The following PLCE1 variants were observed in gnomAD, a reference collection of about 807,000 sequenced individuals.
PLCE1 encodes the protein phospholipase C epsilon 1.
In PLCE1, 119 loss-of-function variants were observed where a neutral mutation model predicts 242.8. The ratio of observed to expected loss-of-function variants is 0.49; its 90% CI spans 0.42 to 0.57. The LOEUF (loss-of-function observed/expected upper bound fraction) is 0.57. Among genes scored for constraint, PLCE1 ranks in the 20% least tolerant of loss-of-function variants. The pLI is 0.00. For synonymous variants in PLCE1, 945 were observed against 1,017.4 expected (o/e 0.93, Z 1.35); for missense variants, 2,441 against 2,788.8 (o/e 0.88, Z 2.81).
intron 1 of PLCE1, among the ~76,000 whole-genome samples, chr10:94,002,288 C>A (rs541075384): frequency 2.0e-5 from 3 of 152,218 alleles, no homozygotes; most frequent in Non-Finnish European, 2.9e-5. Context: ...CTTGGATAGG[C>A]TTTTGACTGC....
At position 94,031,181 on chromosome 10, in the gene PLCE1, A is replaced by G; in HGVS notation, c.135A>G (p.Arg45=). 6.2e-7 allele frequency: 1 copy of G among 1,613,874 alleles called. No individual in the cohort carries two copies. Residue 45 remains arginine (R), a synonymous_variant, in exon 2 of 33, where the codon AGA becomes AGG. Transcript: ENST00000371380. ...ATATTTCAAAAGCACATACTGTCAG[A>G]CGAAGTGGGGAGACTTCTCATACCA... ...DINISKAHTV[R]RSGETSHTIS...
intron 2 of PLCE1, among the ~76,000 whole-genome samples, chr10:94,042,785 T>C (rs1274125031): frequency 3.3e-5 from 5 of 152,172 alleles, no homozygotes; most frequent in Admixed American, 1.3e-4. Context: ...ATTGCTATAA[T>C]TTAGAAGTAC....
rs1320779735 is a variant in PLCE1 at position 94,329,657 on chromosome 10, A to G, written c.*1714A>G. ...GCTGAGCGTGGTGGCACGTGCCTGT[A>G]ATCCCAGCTACTCGGGAGGCTGAGG... On this transcript the variant is annotated 3_prime_UTR_variant, in exon 33 of 33. Coordinates refer to ENST00000371380, the MANE Select transcript of PLCE1 (RefSeq NM_016341.4). The G allele has an allele frequency of 6.6e-6, 1 of 152,202 alleles. No homozygotes were observed. Among genetic ancestry groups the G allele is most frequent in the Non-Finnish European group, 1.5e-5 (1 of 68,152 alleles). 9.4% of individuals were successfully genotyped at this position (152,202 alleles called of 1,614,324 possible). A position where few individuals can be genotyped will look rare whatever the true frequency, so the allele number is the denominator to read the frequency against.
Position 94,031,931 on chromosome 10 carries a change from C to CT in PLCE1, c.890dup (p.Leu297PhefsTer5). ...TTACTGACAGTCAAGCTGCCAAGAC[C>CT]TTTTTGAGCCATTTTGAGGACTTCC... On this transcript the variant is annotated frameshift_variant, in exon 2 of 33. Coordinates refer to ENST00000371380, the MANE Select transcript of PLCE1 (RefSeq NM_016341.4). LOFTEE classifies it high-confidence loss of function. 6.2e-7 allele frequency: 1 copy of CT among 1,613,866 alleles called. No individual in the cohort carries two copies. Among genetic ancestry groups the CT allele is most frequent in the Non-Finnish European group, 8.5e-7 (1 of 1,179,834 alleles).
chr10:94,046,290 G>A (rs2061881998), intron 2 of PLCE1, among the ~76,000 whole-genome samples: 1 of 152,154 alleles, frequency 6.6e-6, no homozygotes, highest in South Asian at 2.1e-4. Flanking sequence ...AGTCTCTCAG[G>A]AGGATATTTC....
intron 1 of PLCE1, among the ~76,000 whole-genome samples, chr10:94,014,101 G>A (rs1415545654): frequency 6.6e-6 from 1 of 152,154 alleles, no homozygotes; most frequent in East Asian, 1.9e-4. Flanking sequence ...AAACTGAAGA[G>A]GGGCCACACA....
At chr10:94,091,940 A>T (rs2045090135) in intron 2 of PLCE1, among the ~76,000 whole-genome samples, 2 of 152,188 alleles carry the variant, frequency 1.3e-5, no homozygotes, top group African/African-American at 4.8e-5. Flanking sequence ...ATGAACTAGG[A>T]CAAATGATCA....
intron 4 of PLCE1, among the ~76,000 whole-genome samples, chr10:94,181,371 G>C (rs2048305183): frequency 6.6e-6 from 1 of 152,046 alleles, no homozygotes; most frequent in South Asian, 2.1e-4. Context: ...AGGAGATCGA[G>C]ACCATCCTGG....
In PLCE1 at chr10:94,316,583, A is replaced by C. The variant is rs374921875; in HGVS notation, c.6169A>C (p.Thr2057Pro). The change falls in exon 29 of 33, where the codon ACA becomes CCA. Residue 2057 changes from threonine (T) to proline (P), a missense_variant. Physicochemically the swap from Thr to Pro is conservative, Grantham distance 38. Around this residue, in one of 5 missense-constraint regions of PLCE1, gnomAD observed 310 missense variants for 317.2 expected, o/e 0.98. Transcript: ENST00000371380. ...TGAACAAGACATCAAACCTGTTACC[A>C]CAGACTATTTTTTGATGGAAGAAAA... ...TNEQDIKPVT[T>P]DYFLMEEKYF... The C allele has an allele frequency of 1.7e-5, 27 of 1,609,148 alleles. No individual in the cohort carries two copies. The highest frequency in any genetic ancestry group is 2.3e-5 in the Non-Finnish European group (27 of 1,176,710).
At chr10:94,255,906 ACACACACACTCT>A (rs2051059626) in intron 11 of PLCE1, among the ~76,000 whole-genome samples, 2 of 98,452 alleles carry the variant, frequency 2.0e-5, no homozygotes, top group African/African-American at 4.1e-5. Context: ...ACACACACAC[ACACACACACTCT>A]CTCTCTCTCT....
At chr10:94,089,267 G>GCA in intron 2 of PLCE1, 1 of 1,614,032 alleles carries the variant, frequency 6.2e-7, no homozygotes. Context: ...CTGTGGCTTT[G>GCA]CACGCTCTCA....
At chr10:93,995,066 T>C (rs866259119) in intron 1 of PLCE1, among the ~76,000 whole-genome samples, 6 of 152,132 alleles carry the variant, frequency 3.9e-5, no homozygotes, top group Admixed American at 6.5e-5. Flanking sequence ...CCCGTAGAGG[T>C]AGGGCAGGGC....
chr10:94,046,108 T>C (rs1394155738), intron 2 of PLCE1, among the ~76,000 whole-genome samples: 1 of 152,208 alleles, frequency 6.6e-6, no homozygotes, highest in East Asian at 1.9e-4. Context: ...AATAACATTG[T>C]CAATTCTTTA....
chr10:94,026,120 C>T (rs1432070422), intron 1 of PLCE1, among the ~76,000 whole-genome samples: 1 of 152,174 alleles, frequency 6.6e-6, no homozygotes, highest in Non-Finnish European at 1.5e-5. Flanking sequence ...AAACACCCAT[C>T]AACAGGATTA....
At chr10:94,308,093 C>G (rs1029165864) in intron 26 of PLCE1, among the ~76,000 whole-genome samples, 13 of 152,172 alleles carry the variant, frequency 8.5e-5, no homozygotes, top group African/African-American at 3.1e-4. Flanking sequence ...CTAATGTATA[C>G]AGTGAGCAAC....
chr10:94,073,975 G>A (rs755083195), intron 2 of PLCE1, among the ~76,000 whole-genome samples: 2 of 152,118 alleles, frequency 1.3e-5, no homozygotes, highest in Non-Finnish European at 2.9e-5. Context: ...TCTGGTTGTG[G>A]TGATCTATTG....
At chr10:94,194,707 CT>C (rs2048767011) in intron 4 of PLCE1, among the ~76,000 whole-genome samples, 1 of 152,124 alleles carries the variant, frequency 6.6e-6, no homozygotes, top group Admixed American at 6.5e-5. Flanking sequence ...TAAAGTGGTG[CT>C]TATAACATTG....
chr10:94,235,585 T>C (rs2050294510), intron 6 of PLCE1: 1 of 252,632 alleles, frequency 4.0e-6, no homozygotes, highest in Admixed American at 6.5e-5. Flanking sequence ...TTCTCAGTTC[T>C]CACTATAAGG....
chr10:94,247,604 G>A (rs907894672), intron 8 of PLCE1, among the ~76,000 whole-genome samples: 1 of 152,172 alleles, frequency 6.6e-6, no homozygotes, highest in Non-Finnish European at 1.5e-5. Context: ...GTAGAGGTGA[G>A]GGGTTAATTT....
Sources: allele counts gnomAD v4.1 joint callset (sites outside exome capture counted in the v4.1 genomes callset), GRCh38; gene constraint gnomAD v4.1.1; regional missense constraint gnomAD v4.1.1; transcripts MANE v1.5; gene names NCBI Gene and HGNC (gene_info 2026-07-23, HGNC 2026-07-21).